The following GRIK2 variants were observed in gnomAD, a reference collection of about 807,000 sequenced individuals.
GRIK2 encodes glutamate receptor ionotropic, kainate 2.
A neutral mutation model predicts 100.3 loss-of-function variants in GRIK2; 32 were observed. The observed-to-expected ratio is 0.32, with a 90% CI of 0.24 to 0.43. GRIK2 has a LOEUF of 0.43. Among genes scored for constraint, GRIK2 ranks in the 20% least tolerant of loss-of-function variants. The pLI is 1.00. For missense variants in GRIK2, 843 were observed against 1,114.9 expected (o/e 0.76, Z 3.47); for synonymous variants, 417 against 389.4 (o/e 1.07, Z -0.83).
intron 4 of GRIK2, among the ~76,000 whole-genome samples, chr6:101,658,564 T>A (rs529997219): frequency 6.8e-6 from 1 of 147,218 alleles, no homozygotes; most frequent in Non-Finnish European, 1.5e-5. Flanking sequence ...TTTGGGTATA[T>A]ACTCAGTAGT....
At chr6:102,027,344 T>G (rs1289776913) in intron 14 of GRIK2, among the ~76,000 whole-genome samples, 2 of 151,128 alleles carry the variant, frequency 1.3e-5, no homozygotes, top group East Asian at 3.9e-4. Context: ...GCCAGATTAT[T>G]TAGGAGGTAA....
At chr6:101,944,727 A>G (rs991708762) in intron 14 of GRIK2, among the ~76,000 whole-genome samples, 6 of 152,274 alleles carry the variant, frequency 3.9e-5, no homozygotes, top group Middle Eastern at 3.6e-3. Flanking sequence ...ATAATTCATT[A>G]TAATAGGAAA....
intron 7 of GRIK2, among the ~76,000 whole-genome samples, chr6:101,768,059 A>G (rs1236147288): frequency 1.3e-5 from 2 of 151,940 alleles, no homozygotes; most frequent in African/African-American, 4.8e-5. Context: ...GGGTTTTACC[A>G]TGTTGCTCTG....
At chr6:101,996,633 G>A (rs1794664434) in intron 14 of GRIK2, among the ~76,000 whole-genome samples, 1 of 152,034 alleles carries the variant, frequency 6.6e-6, no homozygotes, top group Non-Finnish European at 1.5e-5. Flanking sequence ...TGACAAACAC[G>A]TTATTGCTGA....
In GRIK2 at chr6:101,805,900, A is replaced by G. The variant is rs552995963; in HGVS notation, c.1203+3462A>G. Reference sequence around the variant, plus strand: ...GAAGAAACCAGTATGCTTCTGATGAATGGGAAAAGGTGGGCCATGCTCAAG... The same window carrying G: ...GAAGAAACCAGTATGCTTCTGATGAGTGGGAAAAGGTGGGCCATGCTCAAG... On this transcript the variant is annotated intron_variant, in intron 9 of 16. Transcript: ENST00000369134. Among the ~76,000 whole-genome samples the G allele has an allele frequency of 3.3e-5, 5 of 152,152 alleles. No homozygotes were observed. In the South Asian group the frequency reaches 1.0e-3, roughly 32 times the overall value.
intron 10 of GRIK2, among the ~76,000 whole-genome samples, chr6:101,837,964 A>C (rs1020789531): frequency 6.6e-6 from 1 of 152,154 alleles, no homozygotes; most frequent in Non-Finnish European, 1.5e-5. Context: ...GGTATTAAGA[A>C]AGTCTAGGAA....
chr6:102,066,310 G>A (rs745734478), intron 16 of GRIK2, among the ~76,000 whole-genome samples: 3 of 151,498 alleles, frequency 2.0e-5, no homozygotes, highest in Non-Finnish European at 4.4e-5. Flanking sequence ...TGTATCTATT[G>A]TTAATTCAAT....
intron 7 of GRIK2, among the ~76,000 whole-genome samples, chr6:101,697,190 T>C (rs1196845344): frequency 6.6e-6 from 1 of 152,016 alleles, no homozygotes; most frequent in African/African-American, 2.4e-5. Flanking sequence ...TTTATAATTA[T>C]GAGTTATATT....
intron 9 of GRIK2, among the ~76,000 whole-genome samples, chr6:101,814,894 T>C (rs181245175): frequency 1.3e-5 from 2 of 152,342 alleles, no homozygotes; most frequent in Admixed American, 6.5e-5. Flanking sequence ...AATTAGTAAT[T>C]GTCATAATTA....
At chr6:102,023,904 A>G (rs1769558922) in intron 14 of GRIK2, among the ~76,000 whole-genome samples, 1 of 151,466 alleles carries the variant, frequency 6.6e-6, no homozygotes, top group Non-Finnish European at 1.5e-5. Context: ...AATATAAAAA[A>G]GGAGAAAAAT....
rs538821539 is a variant in GRIK2 at position 101,831,952 on chromosome 6, G to C, written c.1317+13469G>C. Among the ~76,000 whole-genome samples the C allele has an allele frequency of 7.9e-5, 12 of 152,110 alleles. No individual in the cohort carries two copies. In the East Asian group the frequency reaches 1.9e-3, roughly 24 times the overall value. Reference sequence around the variant, plus strand: ...AATGCCTAAAATATAGTTTAGATTAGTGGTGGTATTTATTAAAATAATTTA... The same window carrying C: ...AATGCCTAAAATATAGTTTAGATTACTGGTGGTATTTATTAAAATAATTTA... On this transcript the variant is annotated intron_variant, in intron 10 of 16. Transcript: ENST00000369134.
At chr6:101,662,280 A>T (rs555953211) in intron 4 of GRIK2, among the ~76,000 whole-genome samples, 2 of 152,226 alleles carry the variant, frequency 1.3e-5, no homozygotes, top group African/African-American at 2.4e-5. Context: ...GTTAGAAAGA[A>T]AATAATGAAA....
intron 2 of GRIK2, among the ~76,000 whole-genome samples, chr6:101,614,375 T>A (rs1779807605): frequency 6.6e-6 from 1 of 151,876 alleles, no homozygotes; most frequent in African/African-American, 2.4e-5. Context: ...GCACTTTGAT[T>A]AAACAATTGC....
At chr6:101,551,931 G>C (rs1776531631) in intron 2 of GRIK2, among the ~76,000 whole-genome samples, 1 of 152,286 alleles carries the variant, frequency 6.6e-6, no homozygotes, top group East Asian at 1.9e-4. Context: ...TTAGTGTAAA[G>C]CTTCTGCACC....
At chr6:101,935,888 A>G (rs1336991242) in intron 14 of GRIK2, among the ~76,000 whole-genome samples, 1 of 152,058 alleles carries the variant, frequency 6.6e-6, no homozygotes. Flanking sequence ...CAAACATGAC[A>G]TACTGTTCTG....
intron 14 of GRIK2, among the ~76,000 whole-genome samples, chr6:101,968,872 T>C (rs1219521495): frequency 6.6e-6 from 1 of 152,028 alleles, no homozygotes; most frequent in Non-Finnish European, 1.5e-5. Context: ...AATAGATGCA[T>C]TTCCAATATA....
intron 2 of GRIK2, among the ~76,000 whole-genome samples, chr6:101,575,695 G>A (rs1777757960): frequency 6.6e-6 from 1 of 151,922 alleles, no homozygotes; most frequent in Non-Finnish European, 1.5e-5. Flanking sequence ...TTATTTTTAT[G>A]AAAACCATTA....
At chr6:101,530,875 A>G (rs1463728239) in intron 2 of GRIK2, among the ~76,000 whole-genome samples, 1 of 151,976 alleles carries the variant, frequency 6.6e-6, no homozygotes, top group East Asian at 1.9e-4. Flanking sequence ...GAACTTACAG[A>G]CTGAAAGGGT....
At chr6:102,022,683 T>C (rs1404253810) in intron 14 of GRIK2, among the ~76,000 whole-genome samples, 1 of 151,716 alleles carries the variant, frequency 6.6e-6, no homozygotes, top group Non-Finnish European at 1.5e-5. Context: ...TTTCTGAAGA[T>C]ACATCTTCAA....
Sources: allele counts gnomAD v4.1 joint callset (sites outside exome capture counted in the v4.1 genomes callset), GRCh38; gene constraint gnomAD v4.1.1; transcripts MANE v1.5; gene names NCBI Gene and HGNC (gene_info 2026-07-23, HGNC 2026-07-21).